Variants in DENND1A observed in about 807,000 individuals in gnomAD.
DENND1A encodes the protein DENN domain-containing protein 1A.
DENND1A carries 51 observed loss-of-function variants against 113.7 expected under a neutral mutation model. The observed-to-expected ratio is 0.45, with a 90% CI of 0.36 to 0.57. The LOEUF (loss-of-function observed/expected upper bound fraction) is 0.57. Among genes scored for constraint, DENND1A ranks in the 20% least tolerant of loss-of-function variants. The probability of loss-of-function intolerance (pLI) is 0.00; values close to 1 mark genes in which losing one functional copy is unlikely to be tolerated. For synonymous variants in DENND1A, 565 were observed against 570.8 expected (o/e 0.99, Z 0.14); for missense variants, 1,258 against 1,395.9 (o/e 0.90, Z 1.57).
chr9:123,721,852 A>G (rs1470254033), intron 5 of DENND1A, among the ~76,000 whole-genome samples: 1 of 152,146 alleles, frequency 6.6e-6, no homozygotes, highest in Non-Finnish European at 1.5e-5. Context: ...GTATGTCTTT[A>G]TCAGCAGTGT....
chr9:123,495,244 AC>A (rs2051808613), intron 13 of DENND1A, among the ~76,000 whole-genome samples: 1 of 150,556 alleles, frequency 6.6e-6, no homozygotes, highest in Admixed American at 6.6e-5. Context: ...CCTCTTTATC[AC>A]CAGTAGCCAG....
At position 123,440,189 on chromosome 9, in the gene DENND1A, C is replaced by T. The variant is rs955596933; in HGVS notation, c.1488+171G>A. On this transcript the variant is annotated intron_variant, in intron 19 of 23. Transcript: ENST00000394215. ...TCTCCTCAAAATTTTTGAAAATTTG[C>T]CTGCAAAACATGTTTGCACCAAATA... 33 of 885,858 alleles carry T rather than the reference C, an allele frequency of 3.7e-5. No individual in the cohort carries two copies. In the South Asian group the frequency reaches 6.0e-4, roughly 16 times the overall value. 54.9% of individuals were successfully genotyped at this position (885,858 alleles called of 1,614,324 possible).
At position 123,742,111 on chromosome 9, in the gene DENND1A, C is replaced by T. The variant is rs184040684; in HGVS notation, c.302+15592G>A. Among the ~76,000 whole-genome samples, 33 of 152,322 alleles carry T rather than the reference C, an allele frequency of 2.2e-4. No homozygotes were observed. The East Asian group carries it at 6.0e-3, about 28-fold the overall frequency. On this transcript the variant is annotated intron_variant, in intron 5 of 23. Coordinates refer to ENST00000394215, the MANE Select transcript of DENND1A (RefSeq NM_001352964.2). ...GCCCCAACGCTGTTTGTCCCCTCGG[C>T]CTCACAGCTCTGCCAGTTGGCAAAC...
At position 123,486,349 on chromosome 9, in the gene DENND1A, C is replaced by T. The variant is rs561623688; in HGVS notation, c.994-28452G>A. On this transcript the variant is annotated intron_variant, in intron 13 of 23. Transcript: ENST00000394215. ...CCCCGGAACACTGTGCTCTTAGATG[C>T]CAGCGCTGTGGGGCATCTCTGCACT... is the stretch of plus-strand genomic sequence containing the variant. 3.3e-5 allele frequency among the ~76,000 whole-genome samples: 5 copies of T among 152,214 alleles called. 1 individual carries two copies. The South Asian group carries it at 1.0e-3, about 32-fold the overall frequency.
intron 19 of DENND1A, among the ~76,000 whole-genome samples, chr9:123,438,501 G>A (rs144250369): frequency 1.3e-5 from 2 of 152,264 alleles, no homozygotes; most frequent in African/African-American, 2.4e-5. Context: ...GGCATCTCGC[G>A]GCTGTGGGTA....
At chr9:123,747,164 G>A (rs2069586372) in intron 5 of DENND1A, among the ~76,000 whole-genome samples, 1 of 151,940 alleles carries the variant, frequency 6.6e-6, no homozygotes, top group African/African-American at 2.4e-5. Flanking sequence ...ACAAACTGCA[G>A]GACACTGAAT....
intron 5 of DENND1A, among the ~76,000 whole-genome samples, chr9:123,755,271 T>C (rs903526286): frequency 4.6e-5 from 7 of 151,808 alleles, no homozygotes; most frequent in Admixed American, 1.3e-4. Context: ...TACAGGCACC[T>C]GCCACCACTC....
intron 5 of DENND1A, among the ~76,000 whole-genome samples, chr9:123,686,125 G>C (rs748030100): frequency 6.6e-6 from 1 of 152,184 alleles, no homozygotes; most frequent in Non-Finnish European, 1.5e-5. Flanking sequence ...TTTAGGGCTA[G>C]AGAGTAGAAG....
rs7027160 is a variant in DENND1A, at chr9:123,660,767, G to A, written c.507+6259C>T. Among the ~76,000 whole-genome samples the A allele has an allele frequency of 4.5e-3, 679 of 152,242 alleles. 5 individuals carry two copies. Among genetic ancestry groups the A allele is most frequent in the African/African-American group, 0.016 (656 of 41,550 alleles). On this transcript the variant is annotated intron_variant, in intron 8 of 23. Transcript: ENST00000394215. Reference sequence around the variant, plus strand: ...TAAAAGAATTTTAAAAGGCACAAACGCCAAAAAACAGGAGAAGAATTAGTA... The same window carrying A: ...TAAAAGAATTTTAAAAGGCACAAACACCAAAAAACAGGAGAAGAATTAGTA...
chr9:123,741,419 T>G (rs1378742743), intron 5 of DENND1A, among the ~76,000 whole-genome samples: 2 of 152,232 alleles, frequency 1.3e-5, no homozygotes, highest in Admixed American at 1.3e-4. Context: ...GTAAGCAGAA[T>G]AACTACTTCC....
chr9:123,749,856 G>T (rs1263445993), intron 5 of DENND1A, among the ~76,000 whole-genome samples: 1 of 152,178 alleles, frequency 6.6e-6, no homozygotes, highest in Non-Finnish European at 1.5e-5. Flanking sequence ...ACAAGGAAGT[G>T]TTCTGTTTCC....
chr9:123,789,737 A>G (rs1832720081), intron 3 of DENND1A, among the ~76,000 whole-genome samples: 2 of 152,126 alleles, frequency 1.3e-5, no homozygotes, highest in Non-Finnish European at 2.9e-5. Context: ...GGAGAGCCAA[A>G]AGGCTGGTCA....
intron 13 of DENND1A, among the ~76,000 whole-genome samples, chr9:123,524,796 T>C (rs937243588): frequency 3.1e-4 from 47 of 152,210 alleles, no homozygotes; most frequent in Admixed American, 2.6e-4. Context: ...TTTGTGCTCT[T>C]TACTGATTGG....
intron 1 of DENND1A, among the ~76,000 whole-genome samples, chr9:123,925,988 C>G (rs1007633120): frequency 7.2e-5 from 11 of 152,200 alleles, no homozygotes; most frequent in African/African-American, 2.7e-4. Flanking sequence ...TCACCACAAG[C>G]AATATTAAAC....
At chr9:123,865,149 T>G (rs1845634756) in intron 2 of DENND1A, among the ~76,000 whole-genome samples, 1 of 152,178 alleles carries the variant, frequency 6.6e-6, no homozygotes, top group South Asian at 2.1e-4. Context: ...TATTGCTGAA[T>G]AAACTGTGTA....
intron 13 of DENND1A, among the ~76,000 whole-genome samples, chr9:123,520,601 G>A (rs2134994106): frequency 6.6e-6 from 1 of 152,384 alleles, no homozygotes; most frequent in South Asian, 2.1e-4. Flanking sequence ...GAAAGGATAG[G>A]AAAGTCAGAT....
chr9:123,610,707 T>G (rs2060379667), intron 10 of DENND1A, among the ~76,000 whole-genome samples: 1 of 152,210 alleles, frequency 6.6e-6, no homozygotes, highest in African/African-American at 2.4e-5. Context: ...ACAGGTACTT[T>G]TCTTCTGGGG....
chr9:123,514,096 GTA>G (rs61506430), intron 13 of DENND1A, among the ~76,000 whole-genome samples: 3,821 of 48,396 alleles, frequency 0.079, 80 homozygotes, highest in East Asian at 0.15. Context: ...GTGTGTGTGT[GTA>G]TGTGTGTGTG....
chr9:123,609,352 C>T, intron 11 of DENND1A, 84 bp downstream of exon 11: 1 of 1,474,832 alleles, frequency 6.8e-7, no homozygotes, highest in Non-Finnish European at 9.4e-7. Flanking sequence ...AGAGCTGTGA[C>T]TGCTGAGACT....
Sources: gnomAD v4.1 joint callset for allele counts (sites outside exome capture counted in the v4.1 genomes callset) on GRCh38, gnomAD v4.1.1 for gene constraint, MANE v1.5 for transcripts, NCBI Gene and HGNC (gene_info 2026-07-23, HGNC 2026-07-21) for gene names.